FRAS1: variants seen among roughly 807,000 people sequenced by gnomAD.
FRAS1 encodes extracellular matrix organizing protein FRAS1.
FRAS1 carries 290 observed loss-of-function variants against 435.2 expected under a neutral mutation model. The ratio of observed to expected loss-of-function variants is 0.67; its 90% CI spans 0.61 to 0.73. The LOEUF (loss-of-function observed/expected upper bound fraction) is 0.73. FRAS1 is among the 30% of genes least tolerant of loss of function. FRAS1 has a pLI of 0.00. For missense variants in FRAS1, 4,860 were observed against 5,001.5 expected (o/e 0.97, Z 0.85); for synonymous variants, 1,800 against 1,851.0 (o/e 0.97, Z 0.71).
intron 2 of FRAS1, among the ~76,000 whole-genome samples, chr4:78,179,353 C>A (rs1392887898): frequency 1.3e-5 from 2 of 152,190 alleles, no homozygotes; most frequent in Non-Finnish European, 2.9e-5. Context: ...GTGGCCTCTT[C>A]TTTTTAATAT....
At chr4:78,335,996 T>C (rs1730157911) in intron 19 of FRAS1, among the ~76,000 whole-genome samples, 2 of 151,812 alleles carry the variant, frequency 1.3e-5, no homozygotes, top group South Asian at 4.2e-4. Context: ...GGCCTGCTGA[T>C]AGGAAAAAGC....
chr4:78,261,419 A>C (rs1404141063), intron 6 of FRAS1, among the ~76,000 whole-genome samples: 2 of 152,190 alleles, frequency 1.3e-5, no homozygotes, highest in Non-Finnish European at 2.9e-5. Context: ...TGGACATGCT[A>C]TCCCCAAATA....
intron 17 of FRAS1, among the ~76,000 whole-genome samples, chr4:78,317,892 T>C (rs921130041): frequency 3.9e-5 from 6 of 152,114 alleles, no homozygotes; most frequent in Non-Finnish European, 7.3e-5. Context: ...AAACTGAGAG[T>C]CACTAGCGAT....
intron 72 of FRAS1, among the ~76,000 whole-genome samples, chr4:78,537,669 G>C (rs7664814): frequency 6.4e-4 from 97 of 152,144 alleles, no homozygotes; most frequent in African/African-American, 2.1e-3. Flanking sequence ...GAGGCAGGGC[G>C]TGGTGGCTCA....
rs80142980 is a variant in FRAS1, at chr4:78,496,316, G to T, written c.8959-489G>T. On this transcript the variant is annotated intron_variant, in intron 59 of 73. Coordinates refer to ENST00000512123, the MANE Select transcript of FRAS1 (RefSeq NM_025074.7). The stretch of plus-strand genomic sequence containing the variant: ...TTCGAAAATTCTTTAGCATTTAAAG[G>T]TATCTTTAGCCTAACGCAAAGCCTT... 2.3e-3 allele frequency among the ~76,000 whole-genome samples: 344 copies of T among 152,230 alleles called. 1 individual carries two copies. The highest frequency in any genetic ancestry group is 4.1e-3 in the Non-Finnish European group (276 of 67,994).
intron 20 of FRAS1, among the ~76,000 whole-genome samples, chr4:78,346,545 C>G (rs1730610838): frequency 1.3e-5 from 2 of 152,188 alleles, no homozygotes; most frequent in East Asian, 1.9e-4. Flanking sequence ...TCCATAAGAC[C>G]CTCTCTTGCT....
intron 14 of FRAS1, among the ~76,000 whole-genome samples, chr4:78,298,190 A>G (rs2110203212): frequency 6.7e-6 from 1 of 149,116 alleles, no homozygotes; most frequent in African/African-American, 2.4e-5. Flanking sequence ...AATATAAGGT[A>G]CAGATATATA....
At chr4:78,480,153 G>C (rs144793499) in intron 56 of FRAS1, among the ~76,000 whole-genome samples, 1 of 152,200 alleles carries the variant, frequency 6.6e-6, no homozygotes, top group Non-Finnish European at 1.5e-5. Flanking sequence ...ACCCTGTTGT[G>C]CTAGGGAATA....
At chr4:78,139,832 A>G (rs1483122234) in intron 2 of FRAS1, among the ~76,000 whole-genome samples, 2 of 152,208 alleles carry the variant, frequency 1.3e-5, no homozygotes, top group African/African-American at 4.8e-5. Flanking sequence ...GTCAGAAGTT[A>G]TTACTTAAAT....
intron 2 of FRAS1, among the ~76,000 whole-genome samples, chr4:78,176,508 C>T (rs1417956718): frequency 2.0e-5 from 3 of 152,216 alleles, no homozygotes; most frequent in Admixed American, 1.3e-4. Flanking sequence ...GCTTAAATCT[C>T]ATCATCCTTC....
intron 2 of FRAS1, among the ~76,000 whole-genome samples, chr4:78,101,730 T>A (rs373155660): frequency 6.6e-6 from 1 of 152,224 alleles, no homozygotes; most frequent in African/African-American, 2.4e-5. Context: ...TGTGCTTTCA[T>A]ATTTGTTGTA....
At chr4:78,480,748 A>G (rs914030247) in intron 56 of FRAS1, among the ~76,000 whole-genome samples, 11 of 152,200 alleles carry the variant, frequency 7.2e-5, no homozygotes, top group Non-Finnish European at 1.5e-4. Context: ...TGTATGCTGC[A>G]GGCAGATATA....
At chr4:78,515,323 C>CTTTTTTTTT (rs78491600) in intron 65 of FRAS1, among the ~76,000 whole-genome samples, 4 of 136,356 alleles carry the variant, frequency 2.9e-5, no homozygotes, top group Non-Finnish European at 4.8e-5. Flanking sequence ...GGTATGCTGG[C>CTTTTTTTTT]TTTTTTTTTT....
intron 2 of FRAS1, chr4:78,182,120 C>T: frequency 8.5e-7 from 1 of 1,175,224 alleles, no homozygotes; most frequent in Non-Finnish European, 1.2e-6. Flanking sequence ...TGCTTCAGCT[C>T]TTCCCACAAG....
chr4:78,438,044 C>A (rs896732056), intron 38 of FRAS1, among the ~76,000 whole-genome samples: 1 of 129,364 alleles, frequency 7.7e-6, no homozygotes, highest in Non-Finnish European at 1.8e-5. Context: ...AATTTTATCA[C>A]GTTGAACATT....
intron 2 of FRAS1, among the ~76,000 whole-genome samples, chr4:78,166,737 C>T (rs1263313299): frequency 6.6e-6 from 1 of 152,156 alleles, no homozygotes. Context: ...TGTGCCATAC[C>T]TCCCAGCCTC....
At chr4:78,357,334 G>T (rs1382221170) in intron 20 of FRAS1, among the ~76,000 whole-genome samples, 1 of 152,166 alleles carries the variant, frequency 6.6e-6, no homozygotes, top group Admixed American at 6.5e-5. Context: ...TTTTCAGGTT[G>T]CTCAGCACAC....
At chr4:78,359,870 T>A (rs1731008396) in intron 20 of FRAS1, among the ~76,000 whole-genome samples, 1 of 152,182 alleles carries the variant, frequency 6.6e-6, no homozygotes, top group South Asian at 2.1e-4. Context: ...CACTCCATCA[T>A]GCAGTATATG....
rs1427296369 is a variant in FRAS1, at chr4:78,513,397, A to G, written c.10019A>G (p.His3340Arg). 1 of 1,613,748 alleles carries G rather than the reference A, an allele frequency of 6.2e-7. No homozygotes were observed. Among genetic ancestry groups the G allele is most frequent in the Non-Finnish European group, 8.5e-7 (1 of 1,179,766 alleles). ...VKHKEHPNRI[H>R]ISVQIPHQDG... Reference sequence around the variant, plus strand: ...TTCTGCCTTTTTCCCCCTAGAATCCACATTTCGGTGCAGATCCCACACCAG... The same window carrying G: ...TTCTGCCTTTTTCCCCCTAGAATCCGCATTTCGGTGCAGATCCCACACCAG... The change falls in exon 65 of 74, where the codon CAC becomes CGC. Residue 3340 changes from histidine (H) to arginine (R), a missense_variant. Coordinates refer to ENST00000512123, the MANE Select transcript of FRAS1 (RefSeq NM_025074.7).
Sources: gnomAD v4.1 joint callset for allele counts (sites outside exome capture counted in the v4.1 genomes callset) on GRCh38, gnomAD v4.1.1 for gene constraint, MANE v1.5 for transcripts, NCBI Gene and HGNC (gene_info 2026-07-23, HGNC 2026-07-21) for gene names.